The following SGIP1 variants were observed in gnomAD, a reference collection of about 807,000 sequenced individuals.
SGIP1 encodes SH3-containing GRB2-like protein 3-interacting protein 1.
A neutral mutation model predicts 107.5 loss-of-function variants in SGIP1; 38 were observed. The observed-to-expected ratio is 0.35, with a 90% CI of 0.27 to 0.46. SGIP1 has a LOEUF of 0.46. SGIP1 is among the 20% of genes least tolerant of loss of function. The probability of loss-of-function intolerance (pLI) is 1.00; values close to 1 mark genes in which losing one functional copy is unlikely to be tolerated. For synonymous variants in SGIP1, 365 were observed against 366.1 expected (o/e 1.00, Z 0.03); for missense variants, 929 against 1,019.5 (o/e 0.91, Z 1.21).
At chr1:66,707,855 A>G (rs1047362535) in intron 18 of SGIP1, among the ~76,000 whole-genome samples, 1 of 151,924 alleles carries the variant, frequency 6.6e-6, no homozygotes, top group Admixed American at 6.6e-5. Context: ...TTTTTCCCTA[A>G]TTGCTCCCCA....
In SGIP1 at chr1:66,642,849, C is replaced by T; in HGVS notation, c.268C>T (p.Pro90Ser). ...GGATGAAGAAGGCTACAGCATCAGACCCGAGGAACCCGGCTATATCCTTTC... is the reference window on the plus strand; with the variant it reads ...GGATGAAGAAGGCTACAGCATCAGATCCGAGGAACCCGGCTATATCCTTTC... Reference protein sequence around the residue: ...ELDEEGYSIRPEEPGSTKGKH... With the variant: ...ELDEEGYSIRSEEPGSTKGKH... Residue 90 changes from proline (P) to serine (S), a missense_variant, in exon 6 of 25, where the codon CCC (proline) becomes TCC (serine). Transcript: ENST00000371037. 1 of 1,612,210 alleles carries T rather than the reference C, an allele frequency of 6.2e-7. No individual in the cohort carries two copies. Among genetic ancestry groups the T allele is most frequent in the South Asian group, 1.1e-5 (1 of 90,682 alleles).
intron 1 of SGIP1, among the ~76,000 whole-genome samples, chr1:66,596,879 A>G (rs1047689814): frequency 6.6e-6 from 1 of 152,134 alleles, no homozygotes; most frequent in Non-Finnish European, 1.5e-5. Flanking sequence ...TGAGTATCAA[A>G]TAAAGGCAAT....
chr1:66,689,025 T>G, intron 15 of SGIP1, 123 bp from the exon 16 acceptor site: 1 of 1,103,628 alleles, frequency 9.1e-7, no homozygotes, highest in Non-Finnish European at 1.3e-6. Context: ...TGCTACAGTG[T>G]TTAGTGTAGT....
chr1:66,567,309 TG>T (rs1216591808), intron 1 of SGIP1, among the ~76,000 whole-genome samples: 1 of 152,166 alleles, frequency 6.6e-6, no homozygotes, highest in Non-Finnish European at 1.5e-5. Context: ...TGTCTTCTTT[TG>T]AAAAGTGTCT....
At chr1:66,632,493 G>T (rs1382051044) in intron 2 of SGIP1, among the ~76,000 whole-genome samples, 2 of 152,062 alleles carry the variant, frequency 1.3e-5, no homozygotes, top group South Asian at 2.1e-4. Flanking sequence ...AAGATAAAAC[G>T]GCTGGGCTCA....
chr1:66,667,183 C>T (rs190992469), intron 8 of SGIP1, among the ~76,000 whole-genome samples: 7 of 152,026 alleles, frequency 4.6e-5, no homozygotes, highest in East Asian at 1.9e-4. Context: ...CTAAGTACCC[C>T]CCCCCAAACT....
chr1:66,734,015 G>A, intron 21 of SGIP1, 135 bp downstream of exon 21: 7 of 976,332 alleles, frequency 7.2e-6, no homozygotes, highest in East Asian at 3.0e-5. Flanking sequence ...TTTTTTAAAT[G>A]GAAACTTTAA....
intron 8 of SGIP1, among the ~76,000 whole-genome samples, chr1:66,663,069 TA>T (rs35240202): frequency 2.5e-4 from 37 of 148,554 alleles, no homozygotes; most frequent in African/African-American, 2.5e-4. Context: ...CATTTCAAAT[TA>T]AAAAAAAAAA....
At position 66,640,368 on chromosome 1, in the gene SGIP1, C is replaced by T. The variant is rs143479070; in HGVS notation, c.228+535C>T. Reference sequence around the variant, plus strand: ...TTAATATTAAATCTGGGTGTTTCAGCCCTGGTTCTACTTCTTAGAAGCTTT... The same window carrying T: ...TTAATATTAAATCTGGGTGTTTCAGTCCTGGTTCTACTTCTTAGAAGCTTT... On this transcript the variant is annotated intron_variant, in intron 5 of 24. Transcript: ENST00000371037. Among the ~76,000 whole-genome samples, 410 of 150,176 alleles carry T rather than the reference C, an allele frequency of 2.7e-3. 2 individuals are homozygous for T. Among genetic ancestry groups the T allele is most frequent in the African/African-American group, 9.9e-3 (393 of 39,608 alleles).
At chr1:66,729,967 A>C (rs934375370) in intron 20 of SGIP1, among the ~76,000 whole-genome samples, 11 of 151,866 alleles carry the variant, frequency 7.2e-5, no homozygotes, top group Non-Finnish European at 1.3e-4. Flanking sequence ...ACACCTGGCT[A>C]ATTTTTGTAT....
chr1:66,619,472 C>G (rs548912814), intron 1 of SGIP1, among the ~76,000 whole-genome samples: 6 of 152,250 alleles, frequency 3.9e-5, no homozygotes, highest in African/African-American at 9.6e-5. Flanking sequence ...TGGTTTGTAC[C>G]TGCCCCACCT....
At chr1:66,591,714 G>A (rs952627961) in intron 1 of SGIP1, among the ~76,000 whole-genome samples, 2 of 152,166 alleles carry the variant, frequency 1.3e-5, no homozygotes, top group African/African-American at 4.8e-5. Context: ...GGACCAGCGC[G>A]GGCACTGGTC....
At chr1:66,673,717 G>C (rs2084449880) in intron 12 of SGIP1, among the ~76,000 whole-genome samples, 1 of 152,146 alleles carries the variant, frequency 6.6e-6, no homozygotes, top group African/African-American at 2.4e-5. Context: ...AATGGAGACA[G>C]ACCTTCATAC....
At chr1:66,614,809 C>CTAT (rs2068824095) in intron 1 of SGIP1, among the ~76,000 whole-genome samples, 1 of 59,388 alleles carries the variant, frequency 1.7e-5, no homozygotes, top group African/African-American at 6.8e-5. Flanking sequence ...TTCCAGCTGT[C>CTAT]TTTTTTTTTT....
At chr1:66,694,435 G>T (rs7521704) in intron 17 of SGIP1, 6 of 1,605,654 alleles carry the variant, frequency 3.7e-6, no homozygotes, top group Non-Finnish European at 5.1e-6. Flanking sequence ...TCTTTGGTTC[G>T]TAGTGTCAGA....
rs1570776085 is a variant in SGIP1 at position 66,624,259 on chromosome 1, T to C, written c.11-1588T>C. ...GAAAATAGTAGGGATAGACTGATGA[T>C]TATGTAACTATGATACTTTGTCCTT... On this transcript the variant is annotated intron_variant, in intron 1 of 24. Coordinates refer to ENST00000371037, the MANE Select transcript of SGIP1 (RefSeq NM_032291.4). 2.0e-5 allele frequency among the ~76,000 whole-genome samples: 3 copies of C among 152,264 alleles called. 1 individual carries two copies.
At chr1:66,554,180 C>G (rs1167869325) in intron 1 of SGIP1, among the ~76,000 whole-genome samples, 1 of 152,088 alleles carries the variant, frequency 6.6e-6, no homozygotes, top group East Asian at 1.9e-4. Context: ...TTCCTTCACC[C>G]ATGAGTCAAT....
Position 66,643,121 on chromosome 1 carries a change from A to G in SGIP1, c.283+257A>G, listed in dbSNP as rs1001745754. Among the ~76,000 whole-genome samples, 3 of 33,646 alleles carry G rather than the reference A, an allele frequency of 8.9e-5. No individual in the cohort carries two copies. The South Asian group carries it at 7.5e-3, about 84-fold the overall frequency. 22.1% of individuals were successfully genotyped at this position (33,646 alleles called of 152,430 possible). A position where few individuals can be genotyped will look rare whatever the true frequency, so the allele number is the denominator to read the frequency against. ...AACGCTAATCCCTGATATGACTGTC[A>G]TTTACAGTGACTAGAAAATAGCTCT... is the stretch of plus-strand genomic sequence containing the variant. On this transcript the variant is annotated intron_variant, in intron 6 of 24. Transcript: ENST00000371037.
chr1:66,728,076 G>T (rs888747606), intron 19 of SGIP1, among the ~76,000 whole-genome samples: 5 of 151,816 alleles, frequency 3.3e-5, no homozygotes, highest in African/African-American at 1.2e-4. Context: ...TTCCTTCCAC[G>T]CTATCATCCC....
Sources: gnomAD v4.1 joint callset for allele counts (sites outside exome capture counted in the v4.1 genomes callset) on GRCh38, gnomAD v4.1.1 for gene constraint, MANE v1.5 for transcripts, NCBI Gene and HGNC (gene_info 2026-07-23, HGNC 2026-07-21) for gene names.